CERS6: variants seen among roughly 807,000 people sequenced by gnomAD.
The protein encoded by CERS6 is ceramide synthase 6.
In CERS6, 26 loss-of-function variants were observed where a neutral mutation model predicts 56.8. The observed-to-expected ratio is 0.46, with a 90% CI of 0.34 to 0.63. The LOEUF (loss-of-function observed/expected upper bound fraction) is 0.63. Ranked by LOEUF, CERS6 falls within the 30% of genes least tolerant of loss-of-function variation. The pLI is 0.01. For synonymous variants in CERS6, 164 were observed against 173.3 expected (o/e 0.95, Z 0.42); for missense variants, 415 against 467.5 (o/e 0.89, Z 1.04).
At chr2:168,612,293 G>T (rs899408883) in intron 3 of CERS6, among the ~76,000 whole-genome samples, 1 of 152,216 alleles carries the variant, frequency 6.6e-6, no homozygotes, top group African/African-American at 2.4e-5. Context: ...TTAAGACACA[G>T]ATCTTTCACT....
chr2:168,473,435 GT>G (rs541145212), intron 1 of CERS6, among the ~76,000 whole-genome samples: 1 of 151,946 alleles, frequency 6.6e-6, no homozygotes, highest in African/African-American at 2.4e-5. Flanking sequence ...TAAGATGATT[GT>G]TTTTTCAGGC....
chr2:168,766,572 C>A (rs1684737096), intron 9 of CERS6, among the ~76,000 whole-genome samples: 1 of 152,226 alleles, frequency 6.6e-6, no homozygotes, highest in South Asian at 2.1e-4. Context: ...CATGATCCAA[C>A]AGAGAAGAAG....
At chr2:168,525,461 A>T (rs1251969073) in intron 1 of CERS6, among the ~76,000 whole-genome samples, 1 of 152,264 alleles carries the variant, frequency 6.6e-6, no homozygotes, top group Non-Finnish European at 1.5e-5. Context: ...GAGTTGGCCT[A>T]GAATTGGGCC....
intron 4 of CERS6, among the ~76,000 whole-genome samples, chr2:168,644,551 G>T (rs1255641295): frequency 3.9e-5 from 6 of 152,176 alleles, no homozygotes. Context: ...GAGGCAAGGA[G>T]ATCTGTGTTA....
At chr2:168,518,422 A>G (rs1444345332) in intron 1 of CERS6, among the ~76,000 whole-genome samples, 2 of 152,246 alleles carry the variant, frequency 1.3e-5, no homozygotes, top group Non-Finnish European at 2.9e-5. Context: ...GTAAGAAATG[A>G]TTCTTGAAAT....
chr2:168,536,188 C>A (rs569167773), intron 1 of CERS6, among the ~76,000 whole-genome samples: 2 of 152,234 alleles, frequency 1.3e-5, no homozygotes, highest in Admixed American at 6.5e-5. Context: ...CTAAATAATT[C>A]AATTCTTCAG....
chr2:168,557,288 A>G (rs955925163), intron 2 of CERS6, among the ~76,000 whole-genome samples: 1 of 152,234 alleles, frequency 6.6e-6, no homozygotes, highest in African/African-American at 2.4e-5. Flanking sequence ...GAAAGTTTTC[A>G]AGCACTCTTG....
chr2:168,684,537 TCATTTAAATTAATAACA>T (rs1686297758), intron 4 of CERS6, among the ~76,000 whole-genome samples: 1 of 152,210 alleles, frequency 6.6e-6, no homozygotes, highest in South Asian at 2.1e-4. Context: ...TGATTTATAT[TCATTTAAATTAATAACA>T]CAGTTTCTTA....
chr2:168,762,764 A>G (rs1684618068), intron 8 of CERS6, among the ~76,000 whole-genome samples: 2 of 152,234 alleles, frequency 1.3e-5, no homozygotes, highest in African/African-American at 4.8e-5. Context: ...GACAACTACT[A>G]TGGCAGGGTT....
intron 3 of CERS6, among the ~76,000 whole-genome samples, chr2:168,566,688 A>G (rs1695889553): frequency 6.6e-6 from 1 of 152,180 alleles, no homozygotes; most frequent in Non-Finnish European, 1.5e-5. Flanking sequence ...GAGGTCATAT[A>G]GGAAACAAGC....
At chr2:168,613,849 G>A (rs1296682030) in intron 3 of CERS6, among the ~76,000 whole-genome samples, 1 of 152,124 alleles carries the variant, frequency 6.6e-6, no homozygotes, top group African/African-American at 2.4e-5. Flanking sequence ...TGCTCTTAGT[G>A]AAAAAAGGGC....
intron 1 of CERS6, among the ~76,000 whole-genome samples, chr2:168,517,103 T>A (rs1237604366): frequency 6.6e-6 from 1 of 152,030 alleles, no homozygotes; most frequent in Admixed American, 6.6e-5. Flanking sequence ...GGAGCCCAAA[T>A]GGACCAGAAC....
At chr2:168,653,838 C>T (rs963584456) in intron 4 of CERS6, among the ~76,000 whole-genome samples, 1 of 152,182 alleles carries the variant, frequency 6.6e-6, no homozygotes, top group Non-Finnish European at 1.5e-5. Context: ...AAATATTTCT[C>T]TTTAATAAAT....
At chr2:168,469,664 T>G (rs1429733951) in intron 1 of CERS6, among the ~76,000 whole-genome samples, 1 of 152,086 alleles carries the variant, frequency 6.6e-6, no homozygotes, top group Non-Finnish European at 1.5e-5. Flanking sequence ...TAAAAAAAAT[T>G]GGTTAAAAGT....
chr2:168,642,727 T>C (rs1685078202), intron 4 of CERS6, among the ~76,000 whole-genome samples: 1 of 152,230 alleles, frequency 6.6e-6, no homozygotes, highest in South Asian at 2.1e-4. Flanking sequence ...GCCCTCTCTT[T>C]CCAGCGTACA....
chr2:168,735,720 T>TA (rs201038302), intron 8 of CERS6, among the ~76,000 whole-genome samples: 3,882 of 146,458 alleles, frequency 0.027, 62 homozygotes, highest in Non-Finnish European at 0.04. Context: ...TACTAAAAAT[T>TA]TAAAAAAAAA....
At chr2:168,748,306 A>G (rs1381233098) in intron 8 of CERS6, among the ~76,000 whole-genome samples, 1 of 152,212 alleles carries the variant, frequency 6.6e-6, no homozygotes, top group Non-Finnish European at 1.5e-5. Flanking sequence ...AGTAATTAAC[A>G]TTGAATGGAT....
chr2:168,714,567 T>C (rs1256073374), intron 6 of CERS6, among the ~76,000 whole-genome samples: 1 of 152,234 alleles, frequency 6.6e-6, no homozygotes, highest in African/African-American at 2.4e-5. Flanking sequence ...AATTATGTAG[T>C]GATTTCTCCC....
At chr2:168,502,851 C>T (rs114533347) in intron 1 of CERS6, among the ~76,000 whole-genome samples, 2,018 of 152,258 alleles carry the variant, frequency 0.013, 34 homozygotes, top group South Asian at 0.047. Context: ...GGAACCAGCA[C>T]GGTCTCTGAG....
Sources: allele counts gnomAD v4.1 joint callset (sites outside exome capture counted in the v4.1 genomes callset), GRCh38; gene constraint gnomAD v4.1.1; transcripts MANE v1.5; gene names NCBI Gene and HGNC (gene_info 2026-07-23, HGNC 2026-07-21).